Variants in RALYL observed in about 807,000 individuals in gnomAD.
RALYL encodes RNA-binding Raly-like protein.
In RALYL, 29 loss-of-function variants were observed where a neutral mutation model predicts 35.1. That is an observed-to-expected ratio of 0.83 (90% CI 0.61 to 1.13). The LOEUF (loss-of-function observed/expected upper bound fraction) is 1.13, where lower values mean the gene tolerates loss of function less well. Ranked by LOEUF, RALYL falls within the 50% of genes most tolerant of loss-of-function variation. The pLI is 0.00. For missense variants in RALYL, 359 were observed against 360.4 expected (o/e 1.00, Z 0.03); for synonymous variants, 120 against 127.6 (o/e 0.94, Z 0.40).
intron 8 of RALYL, among the ~76,000 whole-genome samples, chr8:84,912,281 G>T (rs533403786): frequency 2.6e-5 from 4 of 152,090 alleles, no homozygotes; most frequent in Non-Finnish European, 5.9e-5. Flanking sequence ...TATAATGAAA[G>T]ATGCTCCTAT....
chr8:84,330,903 C>A (rs1377808641), intron 1 of RALYL, among the ~76,000 whole-genome samples: 1 of 151,968 alleles, frequency 6.6e-6, no homozygotes, highest in African/African-American at 2.4e-5. Context: ...TAGAAAACTG[C>A]ATTATGTTCA....
intron 1 of RALYL, among the ~76,000 whole-genome samples, chr8:84,239,637 T>C (rs1330320996): frequency 6.6e-6 from 1 of 152,172 alleles, no homozygotes; most frequent in Non-Finnish European, 1.5e-5. Flanking sequence ...ACGCCTGTAG[T>C]CCTAGCACTT....
intron 2 of RALYL, among the ~76,000 whole-genome samples, chr8:84,622,599 A>G (rs1821789058): frequency 6.6e-6 from 1 of 152,144 alleles, no homozygotes. Flanking sequence ...GTCGAGGGGC[A>G]TTAGTACATA....
chr8:84,270,587 T>C (rs1385782397), intron 1 of RALYL, among the ~76,000 whole-genome samples: 2 of 151,908 alleles, frequency 1.3e-5, no homozygotes, highest in African/African-American at 2.4e-5. Flanking sequence ...TGTGTGTATG[T>C]ATGTATAATT....
At chr8:84,846,314 A>G (rs1834650462) in intron 4 of RALYL, among the ~76,000 whole-genome samples, 1 of 152,102 alleles carries the variant, frequency 6.6e-6, no homozygotes, top group Non-Finnish European at 1.5e-5. Flanking sequence ...GATTTCTTTG[A>G]GCAGTGTTTT....
intron 1 of RALYL, among the ~76,000 whole-genome samples, chr8:84,292,163 T>G (rs963184530): frequency 1.3e-5 from 2 of 152,130 alleles, no homozygotes; most frequent in African/African-American, 4.8e-5. Flanking sequence ...GAGAAAAGTT[T>G]CAATGCTTGG....
chr8:84,235,767 C>CTTTTT (rs556495836), intron 1 of RALYL, among the ~76,000 whole-genome samples: 28 of 126,928 alleles, frequency 2.2e-4, no homozygotes, highest in Non-Finnish European at 3.4e-4. Context: ...TTTTCTTTTT[C>CTTTTT]TTTTTTTTTT....
intron 2 of RALYL, among the ~76,000 whole-genome samples, chr8:84,752,323 C>T (rs1810275297): frequency 6.6e-6 from 1 of 152,136 alleles, no homozygotes; most frequent in Non-Finnish European, 1.5e-5. Context: ...CTGCTTCTAA[C>T]CACCTATGCT....
At chr8:84,537,202 G>C (rs529743724) in intron 2 of RALYL, among the ~76,000 whole-genome samples, 144 of 150,282 alleles carry the variant, frequency 9.6e-4, no homozygotes, top group African/African-American at 3.3e-3. Flanking sequence ...GGGCGCAGTG[G>C]CTCACACCTA....
At chr8:84,204,142 T>C (rs148529043) in intron 1 of RALYL, among the ~76,000 whole-genome samples, 10 of 152,148 alleles carry the variant, frequency 6.6e-5, no homozygotes, top group Admixed American at 2.0e-4. Flanking sequence ...GTTTAAGAAT[T>C]CTGAATAAGA....
intron 5 of RALYL, among the ~76,000 whole-genome samples, chr8:84,859,680 T>C (rs1030580563): frequency 2.0e-5 from 3 of 151,948 alleles, no homozygotes; most frequent in Admixed American, 1.3e-4. Context: ...CAAAATGCTA[T>C]CTCTACAAAA....
chr8:84,440,927 A>G (rs1352015071), intron 1 of RALYL, among the ~76,000 whole-genome samples: 1 of 152,042 alleles, frequency 6.6e-6, no homozygotes, highest in African/African-American at 2.4e-5. Flanking sequence ...TATGTTTAAT[A>G]ATATAAAAGA....
intron 1 of RALYL, among the ~76,000 whole-genome samples, chr8:84,270,837 A>G (rs12542046): frequency 0.42 from 64,088 of 151,910 alleles, 13,747 homozygotes; most frequent in East Asian, 0.53. Flanking sequence ...TAGTGAATAG[A>G]TGAACTTAGT....
intron 2 of RALYL, among the ~76,000 whole-genome samples, chr8:84,724,319 T>C (rs13279255): frequency 0.14 from 21,607 of 151,796 alleles, 2,034 homozygotes; most frequent in Middle Eastern, 0.24. Flanking sequence ...TCTCTTTCAG[T>C]AACAGTATAA....
At chr8:84,443,178 C>T (rs1197690936) in intron 1 of RALYL, among the ~76,000 whole-genome samples, 2 of 152,096 alleles carry the variant, frequency 1.3e-5, no homozygotes, top group African/African-American at 2.4e-5. Context: ...AACTCATATT[C>T]AGAGACTTTA....
At chr8:84,319,208 C>T (rs1333995092) in intron 1 of RALYL, among the ~76,000 whole-genome samples, 3 of 152,002 alleles carry the variant, frequency 2.0e-5, no homozygotes, top group Non-Finnish European at 4.4e-5. Context: ...GAATAAATAG[C>T]TTGGTTACAT....
chr8:84,858,963 G>A (rs1200515770), intron 5 of RALYL, among the ~76,000 whole-genome samples: 1 of 152,186 alleles, frequency 6.6e-6, no homozygotes, highest in Non-Finnish European at 1.5e-5. Context: ...GTTAGCCCAT[G>A]TTACTGGTGG....
At chr8:84,787,955 C>T (rs1563605200) in intron 3 of RALYL, among the ~76,000 whole-genome samples, 1 of 152,136 alleles carries the variant, frequency 6.6e-6, no homozygotes, top group African/African-American at 2.4e-5. Flanking sequence ...AAATTTTCCC[C>T]CATTCTGTAG....
At chr8:84,614,016 A>G (rs1347178854) in intron 2 of RALYL, among the ~76,000 whole-genome samples, 1 of 151,434 alleles carries the variant, frequency 6.6e-6, no homozygotes, top group Non-Finnish European at 1.5e-5. Context: ...TCCACAATTT[A>G]TAAGCTTTTA....
Sources: gnomAD v4.1 joint callset for allele counts (sites outside exome capture counted in the v4.1 genomes callset) on GRCh38, gnomAD v4.1.1 for gene constraint, MANE v1.5 for transcripts, NCBI Gene and HGNC (gene_info 2026-07-23, HGNC 2026-07-21) for gene names.